RPTOR: variants seen among roughly 807,000 people sequenced by gnomAD.
RPTOR encodes regulatory-associated protein of mTOR.
In RPTOR, 21 loss-of-function variants were observed where a neutral mutation model predicts 169.9. That is an observed-to-expected ratio of 0.12 (90% CI 0.09 to 0.18). The LOEUF is 0.18. RPTOR is among the 10% of genes least tolerant of loss of function. RPTOR has a pLI of 1.00. For missense variants in RPTOR, 1,133 were observed against 1,855.9 expected, an observed-to-expected ratio of 0.61 and a Z score of 7.16; for synonymous variants, 732 against 753.2, an observed-to-expected ratio of 0.97 and a Z score of 0.46.
Position 80,845,556 on chromosome 17 carries a change from A to G in RPTOR, c.1213-917A>G, listed in dbSNP as rs983063382. Among the ~76,000 whole-genome samples the G allele has an allele frequency of 1.3e-5, 2 of 150,748 alleles. No individual in the cohort carries two copies. The highest frequency in any genetic ancestry group is 2.4e-5 in the African/African-American group (1 of 40,824). On this transcript the variant is annotated intron_variant, in intron 10 of 33. Transcript: ENST00000306801. This position sits in a 1 kb window ranked among gnomAD's most constrained non-coding sequence, Gnocchi z 5.4. ...CCCTGGGGAGCAGCCCTGCTCTGCC[A>G]GCCCAGCCTGTGCTTCCAGTCCCAT...
chr17:80,908,392 C>G (rs182823357), intron 20 of RPTOR, among the ~76,000 whole-genome samples: 2 of 152,318 alleles, frequency 1.3e-5, no homozygotes, highest in African/African-American at 2.4e-5. Flanking sequence ...TCACAGTGCA[C>G]AGCAGCACGT....
Position 80,892,715 on chromosome 17 carries a change from T to C in RPTOR, c.2102-14T>C. On this transcript the variant is annotated splice_polypyrimidine_tract_variant and intron_variant, in intron 18 of 33. Coordinates refer to ENST00000306801, the MANE Select transcript of RPTOR (RefSeq NM_020761.3). ...GGAAGCCCATTGTAATTTGTCTTTC[T>C]CCTTCTTTCCCAGAGGGAGGGAGTT... The C allele has an allele frequency of 6.2e-7, 1 of 1,611,780 alleles. No individual in the cohort carries two copies. Among genetic ancestry groups the C allele is most frequent in the Non-Finnish European group, 8.5e-7 (1 of 1,178,890 alleles).
At chr17:80,930,396 T>G (rs62068523) in intron 24 of RPTOR, among the ~76,000 whole-genome samples, 3 of 1,010 alleles carry the variant, frequency 3.0e-3, no homozygotes, top group African/African-American at 6.9e-3. Flanking sequence ...CTCAGCTCAT[T>G]CTCAGCTCAT....
At chr17:80,924,551 G>T (rs2068788248) in intron 23 of RPTOR, among the ~76,000 whole-genome samples, 1 of 152,134 alleles carries the variant, frequency 6.6e-6, no homozygotes, top group South Asian at 2.1e-4. Context: ...GACTTTCCGT[G>T]TCTCGGCAGA....
intron 3 of RPTOR, among the ~76,000 whole-genome samples, chr17:80,657,609 T>A (rs988214940): frequency 1.3e-5 from 2 of 152,178 alleles, no homozygotes; most frequent in Non-Finnish European, 2.9e-5. Context: ...CAGCTCTTAG[T>A]TTACTGGGTG....
intron 3 of RPTOR, among the ~76,000 whole-genome samples, chr17:80,669,615 C>T (rs978258373): frequency 1.8e-4 from 28 of 151,934 alleles, no homozygotes; most frequent in African/African-American, 6.5e-4. Context: ...AACTCCTGAC[C>T]TCAGGTGATC....
chr17:80,633,363 G>T lies in RPTOR; in HGVS notation c.265+7570G>T, dbSNP rs943868862. 1.3e-5 allele frequency among the ~76,000 whole-genome samples: 2 copies of T among 152,180 alleles called. No individual in the cohort carries two copies. Among genetic ancestry groups the T allele is most frequent in the Non-Finnish European group, 2.9e-5 (2 of 68,034 alleles). On this transcript the variant is annotated intron_variant, in intron 2 of 33. Transcript: ENST00000306801. The surrounding 1 kb of genome is among the most constrained non-coding windows in gnomAD (Gnocchi z 4.1). ...GTGTCCCAGGAATGTCCTTTGTAGC[G>T]CCAGGATCCTGCTCAGCCATGCGCC... is the stretch of plus-strand genomic sequence containing the variant.
At chr17:80,634,201 CTGTG>C (rs67850541) in intron 2 of RPTOR, among the ~76,000 whole-genome samples, 3 of 108,532 alleles carry the variant, frequency 2.8e-5, no homozygotes, top group Non-Finnish European at 5.5e-5. Context: ...TGTGTGCATA[CTGTG>C]TGTGCATACT....
At chr17:80,819,548 C>T (rs930124544) in intron 7 of RPTOR, among the ~76,000 whole-genome samples, 1 of 152,238 alleles carries the variant, frequency 6.6e-6, no homozygotes, top group Non-Finnish European at 1.5e-5. Flanking sequence ...CACAGCACCA[C>T]ACACCCTACA....
Position 80,959,278 on chromosome 17 carries a change from G to C in RPTOR, c.3478-800G>C, listed in dbSNP as rs964721799. 9.2e-5 allele frequency among the ~76,000 whole-genome samples: 14 copies of C among 152,196 alleles called. No homozygotes were observed. Among genetic ancestry groups the C allele is most frequent in the African/African-American group, 3.4e-4 (14 of 41,456 alleles). On this transcript the variant is annotated intron_variant, in intron 29 of 33. Coordinates refer to ENST00000306801, the MANE Select transcript of RPTOR (RefSeq NM_020761.3). This position sits in a 1 kb window ranked among gnomAD's most constrained non-coding sequence, Gnocchi z 6.7. ...GGCTCCACACGAGACGTAGCCCTCA[G>C]GGCACAGCGTGGACACCCTGATCCT...
intron 5 of RPTOR, chr17:80,743,241 G>T (rs2066502697): frequency 1.0e-6 from 1 of 985,438 alleles, no homozygotes; most frequent in African/African-American, 1.7e-5. Context: ...CATTAGAGAA[G>T]TAAGCAGAAA....
intron 6 of RPTOR, among the ~76,000 whole-genome samples, chr17:80,756,504 C>G (rs956485804): frequency 1.3e-5 from 2 of 152,102 alleles, no homozygotes; most frequent in Non-Finnish European, 2.9e-5. Flanking sequence ...GTAATGGCCC[C>G]AACACAAAAG....
At position 80,695,149 on chromosome 17, in the gene RPTOR, A is replaced by G. The variant is rs1350741323; in HGVS notation, c.349-12692A>G. Among the ~76,000 whole-genome samples the G allele has an allele frequency of 6.6e-6, 1 of 152,078 alleles. No individual in the cohort carries two copies. The highest frequency in any genetic ancestry group is 1.5e-5 in the Non-Finnish European group (1 of 68,006). On this transcript the variant is annotated intron_variant, in intron 3 of 33. Transcript: ENST00000306801. This position sits in a 1 kb window ranked among gnomAD's most constrained non-coding sequence, Gnocchi z 4.9. The stretch of plus-strand genomic sequence containing the variant: ...TGAGGCAGGAGCGATGGCAGTGCCC[A>G]CTGCATGGTGGTAAGAGTGAGGCGG...
chr17:80,711,742 G>GTTTTTTTTTTTTTTT (rs1298623680), intron 4 of RPTOR, among the ~76,000 whole-genome samples: 9 of 51,402 alleles, frequency 1.8e-4, no homozygotes, highest in South Asian at 1.7e-3. Context: ...TTATACATCA[G>GTTTTTTTTTTTTTTT]TCTTTTTTTT....
intron 1 of RPTOR, among the ~76,000 whole-genome samples, chr17:80,613,041 C>G (rs1353759512): frequency 6.6e-6 from 1 of 152,176 alleles, no homozygotes; most frequent in Non-Finnish European, 1.5e-5. Flanking sequence ...AGGGTCCCCC[C>G]TTGGATGCAT....
chr17:80,684,999 G>A lies in RPTOR; in HGVS notation c.349-22842G>A, dbSNP rs141248016. ...TTCAGATGTATTTTGTATTAAGGCT[G>A]TATCTTCAAGGTAAATTTATAGTAT... On this transcript the variant is annotated intron_variant, in intron 3 of 33. Coordinates refer to ENST00000306801, the MANE Select transcript of RPTOR (RefSeq NM_020761.3). 3.2e-3 allele frequency among the ~76,000 whole-genome samples: 482 copies of A among 152,320 alleles called. 3 individuals are homozygous for A. Among genetic ancestry groups the A allele is most frequent in the African/African-American group, 0.011 (453 of 41,572 alleles).
chr17:80,832,770 G>A (rs1172904880), intron 9 of RPTOR, among the ~76,000 whole-genome samples: 1 of 152,248 alleles, frequency 6.6e-6, no homozygotes, highest in South Asian at 2.1e-4. Context: ...ACCAAAGTGT[G>A]TACATCCCCA....
At chr17:80,808,489 T>C (rs2067241344) in intron 7 of RPTOR, among the ~76,000 whole-genome samples, 1 of 152,206 alleles carries the variant, frequency 6.6e-6, no homozygotes, top group Non-Finnish European at 1.5e-5. Flanking sequence ...TCATTTTTAT[T>C]TGTTTGAAAA....
At position 80,831,461 on chromosome 17, in the gene RPTOR, G is replaced by A. The variant is rs75686041; in HGVS notation, c.1137-6461G>A. ...GACACTCTCACCACGTCCTTAACACGAGTGAGTTTACTAGTCTGGACACAG... is the reference window on the plus strand; with the variant it reads ...GACACTCTCACCACGTCCTTAACACAAGTGAGTTTACTAGTCTGGACACAG... On this transcript the variant is annotated intron_variant, in intron 9 of 33. Transcript: ENST00000306801. Among the ~76,000 whole-genome samples the A allele has an allele frequency of 7.9e-3, 1,201 of 152,336 alleles. 13 individuals are homozygous for A. Among genetic ancestry groups the A allele is most frequent in the African/African-American group, 0.026 (1,090 of 41,562 alleles).
Sources: allele counts gnomAD v4.1 joint callset (sites outside exome capture counted in the v4.1 genomes callset), GRCh38; gene constraint gnomAD v4.1.1; non-coding constraint Gnocchi (gnomAD v3.1); transcripts MANE v1.5; gene names NCBI Gene and HGNC (gene_info 2026-07-23, HGNC 2026-07-21).